Variants in KCNK5 observed in about 807,000 individuals in gnomAD.
KCNK5 encodes potassium two pore domain channel subfamily K member 5.
Under a neutral mutation model 32.9 loss-of-function variants are expected in KCNK5, and 18 were observed. The observed-to-expected ratio is 0.55, with a 90% CI of 0.38 to 0.81. The LOEUF is 0.81. Ranked by LOEUF, KCNK5 falls within the 30% of genes least tolerant of loss-of-function variation. KCNK5 has a pLI of 0.00. For missense variants in KCNK5, 507 were observed against 651.0 expected (o/e 0.78, Z 2.41); for synonymous variants, 276 against 275.3 (o/e 1.00, Z -0.03).
chr6:39,196,875 G>A (rs959394099), intron 1 of KCNK5, among the ~76,000 whole-genome samples: 8 of 152,220 alleles, frequency 5.3e-5, no homozygotes, highest in Non-Finnish European at 8.8e-5. Flanking sequence ...TGGAGAGTGC[G>A]AGGAGCGGTG....
At chr6:39,226,752 T>C (rs80315052) in intron 1 of KCNK5, among the ~76,000 whole-genome samples, 2,063 of 152,334 alleles carry the variant, frequency 0.014, 43 homozygotes, top group African/African-American at 0.046. Context: ...AGATTAAAAC[T>C]GATGTCAGCA....
At chr6:39,221,413 T>C (rs1771546461) in intron 1 of KCNK5, among the ~76,000 whole-genome samples, 1 of 152,194 alleles carries the variant, frequency 6.6e-6, no homozygotes, top group Non-Finnish European at 1.5e-5. Context: ...TCCAACAGTG[T>C]AGACCTAGGC....
intron 1 of KCNK5, among the ~76,000 whole-genome samples, chr6:39,206,573 C>T (rs924030402): frequency 1.3e-5 from 2 of 152,190 alleles, no homozygotes; most frequent in East Asian, 3.9e-4. Context: ...CTGCCCCTCG[C>T]GTGCTGGCCT....
chr6:39,191,288 C>T lies in KCNK5; in HGVS notation c.1102G>A (p.Val368Ile), dbSNP rs781338295. 2.4e-5 allele frequency: 38 copies of T among 1,613,960 alleles called. No individual in the cohort carries two copies. The Middle Eastern group carries it at 1.3e-3, about 56-fold the overall frequency. Residue 368 changes from valine (V) to isoleucine (I), a missense_variant, in exon 5 of 5, where the codon GTA becomes ATA. Around this residue, in one of 6 missense-constraint regions of KCNK5, gnomAD observed 252 missense variants for 250.8 expected, o/e 1.00. Transcript: ENST00000359534. The surrounding 1 kb of genome is among the most constrained non-coding windows in gnomAD (Gnocchi z 5.8). ...VSQTLRSKGH[V>I]SRSPDEEAVA... ...GCCTCCTCATCTGGGGACCTTGATA[C>T]GTGGCCTTTGCTCCTCAGTGTCTGT...
rs964474709 is a variant in KCNK5, at chr6:39,194,302, G to A, written c.501C>T (p.Ile167=). Reference sequence around the variant, plus strand: ...CCAGGTGGACTAGGACGCCCCACACGATGAAGATGACTGTGCACGTGATCT... The same window carrying A: ...CCAGGTGGACTAGGACGCCCCACACAATGAAGATGACTGTGCACGTGATCT... ...KAQITCTVIF[I]VWGVLVHLVI... Residue 167 remains isoleucine (I), a synonymous_variant, in exon 4 of 5, where the codon ATC becomes ATT. Transcript: ENST00000359534. The surrounding 1 kb of genome is among the most constrained non-coding windows in gnomAD (Gnocchi z 4.7). The A allele has an allele frequency of 2.0e-5, 33 of 1,613,274 alleles. No homozygotes were observed. In the Admixed American group the frequency reaches 3.3e-4, roughly 16 times the overall value.
intron 1 of KCNK5, among the ~76,000 whole-genome samples, chr6:39,227,777 G>A (rs998931410): frequency 6.6e-6 from 1 of 152,120 alleles, no homozygotes; most frequent in East Asian, 1.9e-4. Context: ...TCTCACATGG[G>A]GAAACGGAGG....
chr6:39,208,525 C>T lies in KCNK5; in HGVS notation c.187-12538G>A, dbSNP rs571471110. ...TGTCTGACTCTAACCTAAATCCCTC[C>T]GGCTGCAGTCCAAGCCCATTTCCTT... On this transcript the variant is annotated intron_variant, in intron 1 of 4. Coordinates refer to ENST00000359534, the MANE Select transcript of KCNK5 (RefSeq NM_003740.4). Among the ~76,000 whole-genome samples, 19 of 152,384 alleles carry T rather than the reference C, an allele frequency of 1.2e-4. No individual in the cohort carries two copies. The East Asian group carries it at 2.7e-3, about 22-fold the overall frequency.
rs545008477 is a variant in KCNK5, at chr6:39,189,356, G to T, written c.*1534C>A. The T allele has an allele frequency of 6.6e-6, 1 of 152,458 alleles. No individual in the cohort carries two copies. The highest frequency in any genetic ancestry group is 2.4e-5 in the African/African-American group (1 of 41,414). The allele number at this position is 152,458 out of a possible 1,614,324, so 9.4% of individuals were successfully genotyped here. ...CCCCTTCCTGCTTTTGCTCACCTCA[G>T]TGTCCCCTTCTCCACCTCTGCTTGG... On this transcript the variant is annotated 3_prime_UTR_variant, in exon 5 of 5. Transcript: ENST00000359534.
At chr6:39,210,702 C>T (rs1327578831) in intron 1 of KCNK5, among the ~76,000 whole-genome samples, 1 of 152,168 alleles carries the variant, frequency 6.6e-6, no homozygotes, top group Non-Finnish European at 1.5e-5. Context: ...AGGAGGATCT[C>T]ATAGTTTAAC....
chr6:39,229,265 C>A lies in KCNK5; in HGVS notation c.-154G>T. ...CCCCCCGCAAGCACCGCTCCCCGGACAGAGTTGCTTGGCCAAGTTGGCCCA... is the reference window on the plus strand; with the variant it reads ...CCCCCCGCAAGCACCGCTCCCCGGAAAGAGTTGCTTGGCCAAGTTGGCCCA... On this transcript the variant is annotated 5_prime_UTR_variant, in exon 1 of 5. Coordinates refer to ENST00000359534, the MANE Select transcript of KCNK5 (RefSeq NM_003740.4). 2 of 846,782 alleles carry A rather than the reference C, an allele frequency of 2.4e-6. No homozygotes were observed. Among genetic ancestry groups the A allele is most frequent in the Non-Finnish European group, 3.6e-6 (2 of 560,386 alleles). 52.5% of individuals were successfully genotyped at this position (846,782 alleles called of 1,614,324 possible). A position where few individuals can be genotyped will look rare whatever the true frequency, so the allele number is the denominator to read the frequency against.
chr6:39,227,999 G>C (rs1480203620), intron 1 of KCNK5, among the ~76,000 whole-genome samples: 3 of 152,142 alleles, frequency 2.0e-5, no homozygotes, highest in Non-Finnish European at 4.4e-5. Context: ...AAGAAGAGTT[G>C]ATGGTTGAAG....
intron 1 of KCNK5, among the ~76,000 whole-genome samples, chr6:39,218,915 A>G (rs1771491205): frequency 6.6e-6 from 1 of 152,212 alleles, no homozygotes; most frequent in Non-Finnish European, 1.5e-5. Flanking sequence ...CTCCTGCCCC[A>G]GCTCGTCCAA....
At chr6:39,225,297 G>A (rs1312536318) in intron 1 of KCNK5, among the ~76,000 whole-genome samples, 1 of 152,216 alleles carries the variant, frequency 6.6e-6, no homozygotes, top group African/African-American at 2.4e-5. Flanking sequence ...ACTTAGATGT[G>A]AAAACTGACT....
chr6:39,221,870 C>G (rs570923607), intron 1 of KCNK5, among the ~76,000 whole-genome samples: 1 of 152,318 alleles, frequency 6.6e-6, no homozygotes. Context: ...CACCACTGAG[C>G]ACTTTGGACT....
chr6:39,207,520 G>A (rs906847825), intron 1 of KCNK5, among the ~76,000 whole-genome samples: 62 of 151,994 alleles, frequency 4.1e-4, no homozygotes, highest in African/African-American at 1.4e-3. Context: ...TCCAGGCCCC[G>A]GGGTCTCCTC....
chr6:39,194,682 C>G lies in KCNK5; in HGVS notation c.377G>C (p.Cys126Ser), dbSNP rs1254086943. 6.2e-7 allele frequency: 1 copy of G among 1,614,098 alleles called. No individual in the cohort carries two copies. Among genetic ancestry groups the G allele is most frequent in the African/African-American group, 1.3e-5 (1 of 74,998 alleles). ...VFYGLFGVPL[C>S]LTWISALGKF... ...GCCCAGGGCACTGATCCACGTCAGG[C>G]AGAGCGGCACCCCGAAGAGACCATA... is the stretch of plus-strand genomic sequence containing the variant. Residue 126 changes from cysteine to serine, a missense_variant, in exon 3 of 5, where the codon TGC (cysteine) becomes TCC (serine). Physicochemically the swap from Cys to Ser is moderately radical, Grantham distance 112. Transcript: ENST00000359534. The surrounding 1 kb of genome is among the most constrained non-coding windows in gnomAD (Gnocchi z 4.7).
At chr6:39,207,819 T>A (rs76140631) in intron 1 of KCNK5, among the ~76,000 whole-genome samples, 2,931 of 152,210 alleles carry the variant, frequency 0.019, 98 homozygotes, top group African/African-American at 0.066. Context: ...CCTGGACACA[T>A]CTGCCTGCCC....
intron 1 of KCNK5, among the ~76,000 whole-genome samples, chr6:39,216,211 G>C (rs926329025): frequency 1.4e-4 from 21 of 152,294 alleles, no homozygotes; most frequent in Admixed American, 2.6e-4. Context: ...CTTGAACCTG[G>C]GAGGTGGAGG....
chr6:39,194,667 C>G lies in KCNK5; in HGVS notation c.392G>C (p.Ser131Thr). 2 of 1,614,138 alleles carry G rather than the reference C, an allele frequency of 1.2e-6. No homozygotes were observed. The highest frequency in any genetic ancestry group is 1.3e-5 in the African/African-American group (1 of 75,042). Residue 131 changes from serine (S) to threonine (T), a missense_variant, in exon 3 of 5, where the codon AGT (serine) becomes ACT (threonine). Physicochemically the swap from Ser to Thr is moderately conservative, Grantham distance 58. This residue lies in a region of KCNK5 where 143 missense variants were observed against 219.1 expected (regional missense o/e 0.65). Transcript: ENST00000359534. The surrounding 1 kb of genome is among the most constrained non-coding windows in gnomAD (Gnocchi z 4.7). ...FGVPLCLTWISALGKFFGGRA... is the reference protein window; with the variant it reads ...FGVPLCLTWITALGKFFGGRA... ...TCCCCCGAAGAACTTGCCCAGGGCA[C>G]TGATCCACGTCAGGCAGAGCGGCAC...
Sources: allele counts gnomAD v4.1 joint callset (sites outside exome capture counted in the v4.1 genomes callset), GRCh38; gene constraint gnomAD v4.1.1; regional missense constraint gnomAD v4.1.1; non-coding constraint Gnocchi (gnomAD v3.1); transcripts MANE v1.5; gene names NCBI Gene and HGNC (gene_info 2026-07-23, HGNC 2026-07-21).